The following RAP1GDS1 variants were observed in gnomAD, a reference collection of about 807,000 sequenced individuals.
The protein encoded by RAP1GDS1 is RAP1, GTP-GDP dissociation stimulator 1.
A neutral mutation model predicts 71.1 loss-of-function variants in RAP1GDS1; 35 were observed. That is an observed-to-expected ratio of 0.49 (90% CI 0.38 to 0.65). RAP1GDS1 has a LOEUF of 0.65. RAP1GDS1 is among the 30% of genes least tolerant of loss of function. The pLI, the probability that RAP1GDS1 is intolerant of heterozygous loss-of-function variation, is 0.00. For missense variants in RAP1GDS1, 663 were observed against 706.1 expected (o/e 0.94, Z 0.69); for synonymous variants, 229 against 243.1 (o/e 0.94, Z 0.54).
intron 2 of RAP1GDS1, among the ~76,000 whole-genome samples, chr4:98,323,489 A>T (rs1364958210): frequency 3.9e-5 from 5 of 129,036 alleles, no homozygotes; most frequent in Non-Finnish European, 8.0e-5. Flanking sequence ...TTTTAGACCA[A>T]TATCCTTGAT....
chr4:98,369,795 A>G (rs577779176), intron 4 of RAP1GDS1, among the ~76,000 whole-genome samples: 2 of 152,314 alleles, frequency 1.3e-5, no homozygotes, highest in East Asian at 3.9e-4. Flanking sequence ...TAGAGCTGTC[A>G]GCACTCATCA....
At chr4:98,311,719 G>A (rs72896309) in intron 2 of RAP1GDS1, among the ~76,000 whole-genome samples, 2,570 of 152,238 alleles carry the variant, frequency 0.017, 80 homozygotes, top group African/African-American at 0.059. Flanking sequence ...TCACGGCAGC[G>A]TTGAACCCCC....
intron 2 of RAP1GDS1, among the ~76,000 whole-genome samples, chr4:98,310,671 G>C (rs898439626): frequency 2.0e-5 from 3 of 151,948 alleles, no homozygotes; most frequent in African/African-American, 7.3e-5. Flanking sequence ...GATGTTCTTG[G>C]ATCATGTACC....
At chr4:98,346,151 G>T (rs941793293) in intron 3 of RAP1GDS1, among the ~76,000 whole-genome samples, 1 of 152,112 alleles carries the variant, frequency 6.6e-6, no homozygotes, top group African/African-American at 2.4e-5. Context: ...TGAGAACCAC[G>T]TTTCAGTATA....
At chr4:98,325,081 G>A (rs868218832) in intron 2 of RAP1GDS1, among the ~76,000 whole-genome samples, 24 of 148,576 alleles carry the variant, frequency 1.6e-4, no homozygotes, top group Admixed American at 8.0e-4. Flanking sequence ...ACAAGAAAAA[G>A]ACAAACAACC....
At chr4:98,346,050 C>T (rs1171836626) in intron 3 of RAP1GDS1, among the ~76,000 whole-genome samples, 1 of 152,178 alleles carries the variant, frequency 6.6e-6, no homozygotes, top group Non-Finnish European at 1.5e-5. Context: ...CTTGGATCCA[C>T]TCACCCAGAC....
intron 2 of RAP1GDS1, among the ~76,000 whole-genome samples, chr4:98,342,132 T>C (rs927985930): frequency 1.3e-5 from 2 of 152,192 alleles, no homozygotes; most frequent in Non-Finnish European, 2.9e-5. Flanking sequence ...TCAGCACTTA[T>C]TATAAAGAAA....
At chr4:98,299,809 G>A (rs1334498277) in intron 2 of RAP1GDS1, among the ~76,000 whole-genome samples, 1 of 151,556 alleles carries the variant, frequency 6.6e-6, no homozygotes, top group Admixed American at 6.6e-5. Context: ...TGATTTTTGT[G>A]TTTTTAGTAC....
intron 2 of RAP1GDS1, among the ~76,000 whole-genome samples, chr4:98,330,717 G>T (rs1420332241): frequency 6.8e-6 from 1 of 147,126 alleles, no homozygotes; most frequent in Admixed American, 6.8e-5. Context: ...TGGGCAGAGG[G>T]GCTCCTCACA....
intron 1 of RAP1GDS1, among the ~76,000 whole-genome samples, chr4:98,274,212 G>C (rs191068058): frequency 5.9e-5 from 9 of 152,106 alleles, no homozygotes; most frequent in Non-Finnish European, 4.4e-5. Context: ...AGTGGTTAAA[G>C]GCATTTCTTT....
intron 13 of RAP1GDS1, among the ~76,000 whole-genome samples, chr4:98,436,337 G>A (rs1273950349): frequency 6.6e-6 from 1 of 152,166 alleles, no homozygotes; most frequent in African/African-American, 2.4e-5. Context: ...TGTAGCTATA[G>A]AGTAAGCCTT....
chr4:98,401,074 A>C (rs539914919), intron 6 of RAP1GDS1, among the ~76,000 whole-genome samples: 12 of 152,310 alleles, frequency 7.9e-5, no homozygotes, highest in African/African-American at 2.9e-4. Flanking sequence ...TCCAACAAGA[A>C]TCCCAAGTAT....
chr4:98,387,657 T>C (rs1048455411), intron 5 of RAP1GDS1: 20 of 323,564 alleles, frequency 6.2e-5, no homozygotes, highest in Non-Finnish European at 1.1e-4. Flanking sequence ...TTCGTAAATC[T>C]GTATTTGGTC....
chr4:98,403,641 C>G (rs527498374), intron 6 of RAP1GDS1, among the ~76,000 whole-genome samples: 22 of 152,246 alleles, frequency 1.4e-4, no homozygotes, highest in African/African-American at 3.6e-4. Flanking sequence ...AATATCAACA[C>G]AGAGATGCTG....
chr4:98,291,433 T>C (rs951580386), intron 1 of RAP1GDS1, among the ~76,000 whole-genome samples: 2 of 152,146 alleles, frequency 1.3e-5, no homozygotes, highest in Non-Finnish European at 2.9e-5. Flanking sequence ...TTTAAGGAAA[T>C]GTAAAATACA....
At chr4:98,291,759 G>C (rs2042653) in intron 1 of RAP1GDS1, among the ~76,000 whole-genome samples, 21,566 of 152,022 alleles carry the variant, frequency 0.14, 2,210 homozygotes, top group African/African-American at 0.29. Context: ...AATTCTTGTT[G>C]TTTCTAAAAT....
chr4:98,359,775 T>TC (rs1191794650), intron 4 of RAP1GDS1, among the ~76,000 whole-genome samples: 1 of 152,138 alleles, frequency 6.6e-6, no homozygotes, highest in Admixed American at 6.5e-5. Context: ...TTTTGTAGCA[T>TC]CATATAGTCT....
At chr4:98,286,343 T>C (rs1410230420) in intron 1 of RAP1GDS1, among the ~76,000 whole-genome samples, 1 of 152,004 alleles carries the variant, frequency 6.6e-6, no homozygotes, top group Non-Finnish European at 1.5e-5. Context: ...ACACAATGTA[T>C]GTGATTAGGC....
intron 2 of RAP1GDS1, among the ~76,000 whole-genome samples, chr4:98,325,920 T>TA (rs34314578): frequency 0.82 from 121,818 of 148,558 alleles, 50,066 homozygotes; most frequent in African/African-American, 0.85. Flanking sequence ...CTTAAAGTAT[T>TA]AAAAAAAAAA....
Sources: allele counts gnomAD v4.1 joint callset (sites outside exome capture counted in the v4.1 genomes callset), GRCh38; gene constraint gnomAD v4.1.1; transcripts MANE v1.5; gene names NCBI Gene and HGNC (gene_info 2026-07-23, HGNC 2026-07-21).